The following MTA3 variants were observed in gnomAD, a reference collection of about 807,000 sequenced individuals.
MTA3 encodes metastasis associated 1 family member 3.
Under a neutral mutation model 83.5 loss-of-function variants are expected in MTA3, and 34 were observed. That is an observed-to-expected ratio of 0.41 (90% CI 0.31 to 0.54). MTA3 has a LOEUF of 0.54. Among genes scored for constraint, MTA3 ranks in the 20% least tolerant of loss-of-function variants. The probability of loss-of-function intolerance (pLI) is 0.33; values close to 1 mark genes in which losing one functional copy is unlikely to be tolerated. For missense variants in MTA3, 761 were observed against 726.4 expected (o/e 1.05, Z -0.55); for synonymous variants, 303 against 252.7 (o/e 1.20, Z -1.89).
chr2:42,649,413 C>T (rs1403444966), intron 6 of MTA3, among the ~76,000 whole-genome samples: 1 of 130,172 alleles, frequency 7.7e-6, no homozygotes, highest in Admixed American at 7.7e-5. Context: ...ACTCCCTCTC[C>T]AAAAAAAAAA....
At chr2:42,515,638 G>A (rs1675110659) in intron 2 of MTA3, among the ~76,000 whole-genome samples, 1 of 151,564 alleles carries the variant, frequency 6.6e-6, no homozygotes, top group Non-Finnish European at 1.5e-5. Context: ...GAGTAGCTGG[G>A]ATTACAGGTG....
intron 2 of MTA3, among the ~76,000 whole-genome samples, chr2:42,574,476 C>T (rs1258487712): frequency 3.3e-5 from 5 of 151,414 alleles, no homozygotes; most frequent in African/African-American, 4.9e-5. Context: ...TTAGTTGTCA[C>T]CCAGGCTGGA....
chr2:42,607,102 G>A (rs1349562549), intron 3 of MTA3, among the ~76,000 whole-genome samples: 1 of 151,732 alleles, frequency 6.6e-6, no homozygotes, highest in Non-Finnish European at 1.5e-5. Flanking sequence ...AGGGGTAGAG[G>A]TAGAGGTAGA....
intron 2 of MTA3, among the ~76,000 whole-genome samples, chr2:42,517,257 C>T (rs12712843): frequency 0.38 from 55,874 of 145,388 alleles, 10,498 homozygotes; most frequent in African/African-American, 0.45. Context: ...TGAAATTCCA[C>T]CTCAAAAAAT....
chr2:42,746,235 T>C (rs1197474589), intron 16 of MTA3, among the ~76,000 whole-genome samples: 1 of 152,224 alleles, frequency 6.6e-6, no homozygotes, highest in Non-Finnish European at 1.5e-5. Context: ...ACTTTTTTTC[T>C]GGTTTTATTA....
chr2:42,535,773 G>C (rs1283374481), intron 2 of MTA3, among the ~76,000 whole-genome samples: 2 of 152,104 alleles, frequency 1.3e-5, no homozygotes, highest in African/African-American at 4.8e-5. Flanking sequence ...CTGTCACTCT[G>C]AAAGGATCCT....
chr2:42,564,612 G>A (rs376191920), upstream of MTA3, among the ~76,000 whole-genome samples: 3 of 151,990 alleles, frequency 2.0e-5, no homozygotes, highest in African/African-American at 7.3e-5. Context: ...GTTAATGAAA[G>A]GAAAAAGAAG....
intron 2 of MTA3, among the ~76,000 whole-genome samples, chr2:42,554,764 A>C (rs905981918): frequency 6.6e-6 from 1 of 152,186 alleles, no homozygotes; most frequent in Admixed American, 6.5e-5. Context: ...GGGTCTCCCC[A>C]GTGTTTGTGT....
At chr2:42,749,785 A>T in intron 16 of MTA3, among the ~76,000 whole-genome samples, 1 of 151,892 alleles carries the variant, frequency 6.6e-6, no homozygotes, top group Non-Finnish European at 1.5e-5. Flanking sequence ...GTTGTTCTTT[A>T]TATTTCGTCC....
intron 4 of MTA3, among the ~76,000 whole-genome samples, chr2:42,618,563 G>A (rs987793626): frequency 2.6e-5 from 4 of 152,104 alleles, no homozygotes; most frequent in African/African-American, 9.7e-5. Context: ...ATCTGTAATT[G>A]CATTGCGCAG....
intron 4 of MTA3, among the ~76,000 whole-genome samples, chr2:42,636,934 C>G (rs1246412983): frequency 1.3e-5 from 2 of 152,096 alleles, no homozygotes; most frequent in East Asian, 1.9e-4. Context: ...CCTCCTCTTT[C>G]ATTTATACAA....
rs138369860 is a variant in MTA3, at chr2:42,610,039, G to A, written c.317+455G>A. On this transcript the variant is annotated intron_variant, in intron 4 of 16. Coordinates refer to ENST00000405094, the MANE Select transcript of MTA3 (RefSeq NM_001330442.2). ...TGCTTGAATCTAGGAAGCAGAGGTTGCAGTGTGCTGACATCGTGCCACTGC... is the reference window on the plus strand; with the variant it reads ...TGCTTGAATCTAGGAAGCAGAGGTTACAGTGTGCTGACATCGTGCCACTGC... Among the ~76,000 whole-genome samples, 9 of 152,290 alleles carry A rather than the reference G, an allele frequency of 5.9e-5. No homozygotes were observed. The East Asian group carries it at 1.7e-3, about 29-fold the overall frequency.
chr2:42,734,615 G>A (rs1668483802), intron 16 of MTA3, among the ~76,000 whole-genome samples: 1 of 150,284 alleles, frequency 6.7e-6, no homozygotes, highest in South Asian at 2.1e-4. Flanking sequence ...GTTATTTTGT[G>A]GTCTTCTCTT....
intron 16 of MTA3, among the ~76,000 whole-genome samples, chr2:42,745,296 C>T (rs1669327206): frequency 6.6e-6 from 1 of 152,190 alleles, no homozygotes; most frequent in African/African-American, 2.4e-5. Flanking sequence ...TGTTCTGATT[C>T]CAGCTTAACT....
Position 42,753,874 on chromosome 2 carries a change from G to C in MTA3, c.*475G>C. The C allele has an allele frequency of 1.0e-6, 1 of 989,562 alleles. No homozygotes were observed. 61.3% of individuals were successfully genotyped at this position (989,562 alleles called of 1,614,324 possible). A position where few individuals can be genotyped will look rare whatever the true frequency, so the allele number is the denominator to read the frequency against. On this transcript the variant is annotated 3_prime_UTR_variant, in exon 17 of 17. Transcript: ENST00000405094. ...TGGATTTTTCTTAAGAAATGCGCCA[G>C]TGTTTATGAGGTTCAAGGTATTTCC...
At chr2:42,695,960 T>C (rs935636159) in intron 10 of MTA3, 121 bp downstream of exon 10, 25 of 603,162 alleles carry the variant, frequency 4.1e-5, no homozygotes, top group Non-Finnish European at 6.4e-5. Context: ...TCCAGACTAC[T>C]TTAAACTACA....
At position 42,756,881 on chromosome 2, in the gene MTA3, G is replaced by A. The variant is rs566268405; in HGVS notation, c.*3482G>A. 7.1e-6 allele frequency: 7 copies of A among 985,436 alleles called. No homozygotes were observed. Among genetic ancestry groups the A allele is most frequent in the East Asian group, 1.1e-4 (1 of 8,812 alleles). The allele number at this position is 985,436 out of a possible 1,614,324, so 61.0% of individuals were successfully genotyped here. ...CATGATACCACAGTGTGGATTGTCT[G>A]TCTGTAAGGAGATGCCATCTACTAA... On this transcript the variant is annotated 3_prime_UTR_variant, in exon 17 of 17. Coordinates refer to ENST00000405094, the MANE Select transcript of MTA3 (RefSeq NM_001330442.2).
intron 4 of MTA3, among the ~76,000 whole-genome samples, chr2:42,626,329 A>T (rs1431759779): frequency 7.9e-6 from 1 of 126,468 alleles, no homozygotes; most frequent in African/African-American, 3.0e-5. Flanking sequence ...TCGGAGTCTC[A>T]CTCTGTCACC....
chr2:42,588,846 T>C (rs1025275223), intron 3 of MTA3, among the ~76,000 whole-genome samples: 1 of 152,150 alleles, frequency 6.6e-6, no homozygotes, highest in Non-Finnish European at 1.5e-5. Flanking sequence ...AACAGGTTTA[T>C]ATACATATAA....
Sources: gnomAD v4.1 joint callset for allele counts (sites outside exome capture counted in the v4.1 genomes callset) on GRCh38, gnomAD v4.1.1 for gene constraint, MANE v1.5 for transcripts, NCBI Gene and HGNC (gene_info 2026-07-23, HGNC 2026-07-21) for gene names.